Variants in PARD3B observed in about 807,000 individuals in gnomAD.
The protein encoded by PARD3B is par-3 family cell polarity regulator beta, also known as partitioning defective 3 homolog B.
Under a neutral mutation model 130.2 loss-of-function variants are expected in PARD3B, and 103 were observed. That is an observed-to-expected ratio of 0.79 (90% CI 0.67 to 0.93). PARD3B has a LOEUF of 0.93. Ranked by LOEUF, PARD3B falls within the 40% of genes least tolerant of loss-of-function variation. The probability of loss-of-function intolerance (pLI) is 0.00; values close to 1 mark genes in which losing one functional copy is unlikely to be tolerated. For synonymous variants in PARD3B, 583 were observed against 553.2 expected (o/e 1.05, Z -0.76); for missense variants, 1,609 against 1,499.2 (o/e 1.07, Z -1.21).
Position 205,522,892 on chromosome 2 carries a change from A to G in PARD3B, c.3180+22861A>G, listed in dbSNP as rs533763496. ...TACTATTGAGAAAATATGGTAAAAC[A>G]ATCTTATTAATTATATTGTTTTTGA... On this transcript the variant is annotated intron_variant, in intron 21 of 22. Transcript: ENST00000406610. Among the ~76,000 whole-genome samples the G allele has an allele frequency of 2.0e-5, 3 of 152,150 alleles. No homozygotes were observed. The South Asian group carries it at 6.2e-4, about 32-fold the overall frequency.
intron 1 of PARD3B, among the ~76,000 whole-genome samples, chr2:204,585,958 A>G (rs1468624730): frequency 2.6e-5 from 4 of 152,282 alleles, no homozygotes; most frequent in Middle Eastern, 3.4e-3. Flanking sequence ...TTACTTTACT[A>G]TATCATTTAA....
rs1226989737 is a variant in PARD3B at position 205,591,347 on chromosome 2, A to G, written c.3261-24109A>G. Among the ~76,000 whole-genome samples, 1 of 152,214 alleles carries G rather than the reference A, an allele frequency of 6.6e-6. No individual in the cohort carries two copies. The highest frequency in any genetic ancestry group is 1.5e-5 in the Non-Finnish European group (1 of 68,042). The stretch of plus-strand genomic sequence containing the variant: ...TTGGAGGAGAAATAAGCCTCTAAAC[A>G]TATTTGAATATTTGAAAGACTGAGA... On this transcript the variant is annotated intron_variant, in intron 22 of 22. Coordinates refer to ENST00000406610, the MANE Select transcript of PARD3B (RefSeq NM_001302769.2). The surrounding 1 kb of genome is among the most constrained non-coding windows in gnomAD (Gnocchi z 4.2).
intron 3 of PARD3B, among the ~76,000 whole-genome samples, chr2:204,994,867 T>C (rs1694014767): frequency 6.6e-6 from 1 of 151,882 alleles, no homozygotes; most frequent in South Asian, 2.1e-4. Context: ...TCTTTGTTGG[T>C]TTAAAGTCTG....
chr2:204,877,055 A>G (rs1457928865), intron 2 of PARD3B, among the ~76,000 whole-genome samples: 1 of 152,172 alleles, frequency 6.6e-6, no homozygotes, highest in African/African-American at 2.4e-5. Flanking sequence ...ATGGAATACT[A>G]TGCAGCCATA....
chr2:205,249,848 T>C (rs191233653), intron 16 of PARD3B, among the ~76,000 whole-genome samples: 118 of 152,094 alleles, frequency 7.8e-4, no homozygotes, highest in African/African-American at 2.8e-3. Flanking sequence ...ACAAGTTTCA[T>C]AGAGCCTTGA....
At chr2:205,505,666 T>G (rs1263095003) in intron 21 of PARD3B, among the ~76,000 whole-genome samples, 1 of 152,222 alleles carries the variant, frequency 6.6e-6, no homozygotes, top group Non-Finnish European at 1.5e-5. Context: ...CTGCTGGTAT[T>G]TTATTTTTTG....
chr2:204,561,074 GA>G (rs1336345030), intron 1 of PARD3B, among the ~76,000 whole-genome samples: 1 of 152,086 alleles, frequency 6.6e-6, no homozygotes, highest in Admixed American at 6.6e-5. Context: ...TTGCTTTACA[GA>G]ACCTGATAGA....
At chr2:205,138,033 A>G (rs897888326) in intron 10 of PARD3B, among the ~76,000 whole-genome samples, 3 of 152,220 alleles carry the variant, frequency 2.0e-5, no homozygotes, top group African/African-American at 7.2e-5. Context: ...GGAGTCCGAT[A>G]GGGAAGTGGG....
In PARD3B at chr2:205,122,208, T is replaced by C. The variant is rs1403802901; in HGVS notation, c.1165+259T>C. 6.6e-6 allele frequency among the ~76,000 whole-genome samples: 1 copy of C among 152,142 alleles called. No homozygotes were observed. Among genetic ancestry groups the C allele is most frequent in the African/African-American group, 2.4e-5 (1 of 41,430 alleles). ...GGAAAGAATCATTGCAAACCTGATA[T>C]CAACAGAGCAATATTGTATTACAAC... On this transcript the variant is annotated intron_variant, in intron 8 of 22. Coordinates refer to ENST00000406610, the MANE Select transcript of PARD3B (RefSeq NM_001302769.2). This position sits in a 1 kb window ranked among gnomAD's most constrained non-coding sequence, Gnocchi z 4.3.
Position 205,272,223 on chromosome 2 carries a change from A to T in PARD3B, c.2185+26401A>T, listed in dbSNP as rs528551662. On this transcript the variant is annotated intron_variant, in intron 16 of 22. Transcript: ENST00000406610. The stretch of plus-strand genomic sequence containing the variant: ...TTCTGAATGGGTGATAACAAGATTG[A>T]TACCAATAAAATTTTGCTTAATTTG... Among the ~76,000 whole-genome samples, 27 of 151,880 alleles carry T rather than the reference A, an allele frequency of 1.8e-4. No homozygotes were observed. In the South Asian group the frequency reaches 4.8e-3, roughly 27 times the overall value.
At chr2:204,802,617 TA>T (rs1213075899) in intron 2 of PARD3B, among the ~76,000 whole-genome samples, 1 of 152,088 alleles carries the variant, frequency 6.6e-6, no homozygotes, top group Non-Finnish European at 1.5e-5. Context: ...ATAGACTGGA[TA>T]AAGAAAATGT....
intron 3 of PARD3B, among the ~76,000 whole-genome samples, chr2:205,033,907 C>A (rs1300472543): frequency 6.6e-6 from 1 of 152,162 alleles, no homozygotes; most frequent in African/African-American, 2.4e-5. Flanking sequence ...GAGTCAGTAT[C>A]TCTGTGCATC....
chr2:204,849,821 A>G (rs2044635627), intron 2 of PARD3B, among the ~76,000 whole-genome samples: 1 of 152,140 alleles, frequency 6.6e-6, no homozygotes, highest in Non-Finnish European at 1.5e-5. Context: ...CAGCTGGCCT[A>G]GGTAATCATT....
intron 2 of PARD3B, among the ~76,000 whole-genome samples, chr2:204,728,488 G>A (rs545337130): frequency 7.2e-5 from 11 of 152,114 alleles, no homozygotes; most frequent in Non-Finnish European, 1.5e-4. Flanking sequence ...GGCAGTAAGT[G>A]TAGACAGTAT....
At chr2:204,771,180 A>AT (rs1048246464) in intron 2 of PARD3B, among the ~76,000 whole-genome samples, 30 of 151,578 alleles carry the variant, frequency 2.0e-4, no homozygotes, top group South Asian at 4.2e-4. Flanking sequence ...TAATTTATAG[A>AT]TTTTTTTTTC....
At chr2:205,420,773 T>A (rs2046940366) in intron 19 of PARD3B, among the ~76,000 whole-genome samples, 2 of 152,238 alleles carry the variant, frequency 1.3e-5, no homozygotes, top group Admixed American at 6.5e-5. Context: ...TTGTATTATT[T>A]GCAAGCAGGT....
intron 8 of PARD3B, among the ~76,000 whole-genome samples, chr2:205,123,410 T>C (rs7424966): frequency 0.99 from 150,981 of 152,208 alleles, 74,899 homozygotes; most frequent in Middle Eastern, 1. Flanking sequence ...AGGAAGCTGA[T>C]ATCAAAAAGA....
intron 2 of PARD3B, among the ~76,000 whole-genome samples, chr2:204,876,502 C>G (rs1409757100): frequency 6.6e-6 from 1 of 152,162 alleles, no homozygotes; most frequent in Non-Finnish European, 1.5e-5. Flanking sequence ...GACAGACACC[C>G]CATGCTACTC....
Position 205,187,948 on chromosome 2 carries a change from T to G in PARD3B, c.2024+2085T>G, listed in dbSNP as rs1326937742. Among the ~76,000 whole-genome samples the G allele has an allele frequency of 6.6e-6, 1 of 152,232 alleles. No individual in the cohort carries two copies. Among genetic ancestry groups the G allele is most frequent in the Non-Finnish European group, 1.5e-5 (1 of 68,038 alleles). ...AGTATTTGGTTATTAAGTCATTTATTCACTTACTCATCCATTCAAAAGTAT... is the reference window on the plus strand; with the variant it reads ...AGTATTTGGTTATTAAGTCATTTATGCACTTACTCATCCATTCAAAAGTAT... On this transcript the variant is annotated intron_variant, in intron 14 of 22. Coordinates refer to ENST00000406610, the MANE Select transcript of PARD3B (RefSeq NM_001302769.2). This position sits in a 1 kb window ranked among gnomAD's most constrained non-coding sequence, Gnocchi z 4.9.
Sources: allele counts gnomAD v4.1 joint callset (sites outside exome capture counted in the v4.1 genomes callset), GRCh38; gene constraint gnomAD v4.1.1; non-coding constraint Gnocchi (gnomAD v3.1); transcripts MANE v1.5; gene names NCBI Gene and HGNC (gene_info 2026-07-23, HGNC 2026-07-21).